Variants in RAD51B observed in about 807,000 individuals in gnomAD.
RAD51B encodes RAD51 paralog B.
RAD51B carries 38 observed loss-of-function variants against 42.2 expected under a neutral mutation model. That is an observed-to-expected ratio of 0.90 (90% CI 0.70 to 1.18). The LOEUF (loss-of-function observed/expected upper bound fraction) is 1.18. RAD51B is among the 50% of genes most tolerant of loss of function. The probability of loss-of-function intolerance (pLI) is 0.00; values close to 1 mark genes in which losing one functional copy is unlikely to be tolerated. For synonymous variants in RAD51B, 154 were observed against 145.2 expected (o/e 1.06, Z -0.43); for missense variants, 373 against 400.7 (o/e 0.93, Z 0.59).
chr14:68,153,784 C>A (rs147938548), intron 7 of RAD51B, among the ~76,000 whole-genome samples: 1 of 152,014 alleles, frequency 6.6e-6, no homozygotes, highest in Non-Finnish European at 1.5e-5. Context: ...GTATTCATGG[C>A]GGCCTACTTC....
At chr14:68,451,434 G>C (rs1385056983) in intron 9 of RAD51B, among the ~76,000 whole-genome samples, 1 of 152,206 alleles carries the variant, frequency 6.6e-6, no homozygotes, top group Non-Finnish European at 1.5e-5. Flanking sequence ...GAAGCTGACA[G>C]GTTCCTGGTT....
chr14:68,138,560 T>C (rs1308162109), intron 7 of RAD51B, among the ~76,000 whole-genome samples: 2 of 152,208 alleles, frequency 1.3e-5, no homozygotes, highest in African/African-American at 4.8e-5. Context: ...TCTGTCTTTC[T>C]CTGTATCTGT....
chr14:68,160,428 T>C (rs141804240), intron 7 of RAD51B, among the ~76,000 whole-genome samples: 11 of 152,322 alleles, frequency 7.2e-5, no homozygotes, highest in African/African-American at 2.2e-4. Context: ...TTTGATGCTA[T>C]TTGTGAACAC....
At chr14:68,135,818 T>G (rs531347242) in intron 7 of RAD51B, among the ~76,000 whole-genome samples, 1 of 152,304 alleles carries the variant, frequency 6.6e-6, no homozygotes, top group East Asian at 1.9e-4. Context: ...AGTTAATTTC[T>G]TGCCAAGTAG....
chr14:68,156,455 T>TTCTCTCTCTCTCTCTCTCTCTC (rs10650896), intron 7 of RAD51B, among the ~76,000 whole-genome samples: 42 of 114,334 alleles, frequency 3.7e-4, no homozygotes, highest in Admixed American at 9.1e-4. Flanking sequence ...CTTAGAAAAT[T>TTCTCTCTCTCTCTCTCTCTCTC]TCTCTCTCTC....
intron 7 of RAD51B, among the ~76,000 whole-genome samples, chr14:68,010,416 G>A (rs2075664923): frequency 6.6e-6 from 1 of 151,800 alleles, no homozygotes; most frequent in Admixed American, 6.6e-5. Context: ...TGAAACCTTG[G>A]CTCATCAGAG....
intron 7 of RAD51B, among the ~76,000 whole-genome samples, chr14:68,246,890 C>G (rs574592427): frequency 1.3e-5 from 2 of 152,086 alleles, no homozygotes; most frequent in African/African-American, 4.8e-5. Context: ...TGTTTTAGCC[C>G]GCAGTGGTTT....
At chr14:68,281,320 A>C (rs1414179590) in intron 7 of RAD51B, among the ~76,000 whole-genome samples, 1 of 152,252 alleles carries the variant, frequency 6.6e-6, no homozygotes, top group Non-Finnish European at 1.5e-5. Context: ...TGAACGCAAT[A>C]GAATAATAAG....
At chr14:68,415,864 G>A (rs2084544082) in intron 9 of RAD51B, among the ~76,000 whole-genome samples, 1 of 152,188 alleles carries the variant, frequency 6.6e-6, no homozygotes, top group South Asian at 2.1e-4. Context: ...ATTTTCAAGT[G>A]CCCTAGAAAG....
At chr14:67,890,063 T>A (rs1013737556) in intron 7 of RAD51B, among the ~76,000 whole-genome samples, 1 of 152,226 alleles carries the variant, frequency 6.6e-6, no homozygotes, top group African/African-American at 2.4e-5. Flanking sequence ...TGTTTAGAGA[T>A]ACTGGATAAA....
At chr14:67,993,348 A>T (rs2075327755) in intron 7 of RAD51B, among the ~76,000 whole-genome samples, 1 of 151,842 alleles carries the variant, frequency 6.6e-6, no homozygotes, top group Non-Finnish European at 1.5e-5. Flanking sequence ...ATCCCGCTAC[A>T]CTCCCCAGCC....
chr14:67,925,443 T>G (rs1350517627), intron 7 of RAD51B, among the ~76,000 whole-genome samples: 1 of 152,104 alleles, frequency 6.6e-6, no homozygotes, highest in Non-Finnish European at 1.5e-5. Flanking sequence ...TGGCTAATTT[T>G]TGTATTTTTA....
At chr14:67,894,179 A>T (rs566713289) in intron 7 of RAD51B, among the ~76,000 whole-genome samples, 4 of 152,352 alleles carry the variant, frequency 2.6e-5, no homozygotes, top group African/African-American at 9.6e-5. Context: ...AATGTTTGGC[A>T]TATTCAGTAA....
intron 4 of RAD51B, among the ~76,000 whole-genome samples, chr14:67,846,573 C>G (rs1317506380): frequency 3.3e-5 from 5 of 152,118 alleles, no homozygotes; most frequent in Non-Finnish European, 7.4e-5. Context: ...TCAGTGGAGG[C>G]TGCTCTACTG....
chr14:68,336,322 A>G (rs1434038873), intron 8 of RAD51B, among the ~76,000 whole-genome samples: 1 of 152,236 alleles, frequency 6.6e-6, no homozygotes, highest in Non-Finnish European at 1.5e-5. Context: ...TTTTACAATA[A>G]AGAAAGCAGA....
chr14:68,374,162 T>A (rs998741505), intron 8 of RAD51B, among the ~76,000 whole-genome samples: 4 of 152,216 alleles, frequency 2.6e-5, no homozygotes, highest in South Asian at 2.1e-4. Flanking sequence ...CCTCAGCAGA[T>A]TCTAAGCACC....
At chr14:68,343,186 G>A (rs2082606055) in intron 8 of RAD51B, among the ~76,000 whole-genome samples, 1 of 152,086 alleles carries the variant, frequency 6.6e-6, no homozygotes, top group South Asian at 2.1e-4. Context: ...CAAATGTACA[G>A]TACATAATTA....
intron 4 of RAD51B, among the ~76,000 whole-genome samples, chr14:67,863,689 G>T (rs2042233393): frequency 6.6e-6 from 1 of 151,658 alleles, no homozygotes; most frequent in Non-Finnish European, 1.5e-5. Flanking sequence ...TTTTCACAAA[G>T]AAATAGTGCA....
At chr14:68,281,992 T>C (rs78608112) in intron 7 of RAD51B, among the ~76,000 whole-genome samples, 1 of 152,032 alleles carries the variant, frequency 6.6e-6, no homozygotes, top group Non-Finnish European at 1.5e-5. Context: ...TTTTTTTTTT[T>C]TCTTTTGAGA....
Sources: allele counts gnomAD v4.1 joint callset (sites outside exome capture counted in the v4.1 genomes callset), GRCh38; gene constraint gnomAD v4.1.1; transcripts MANE v1.5; gene names NCBI Gene and HGNC (gene_info 2026-07-23, HGNC 2026-07-21).